The following CDH12 variants were observed in gnomAD, a reference collection of about 807,000 sequenced individuals.
CDH12 encodes the protein cadherin-12.
CDH12 carries 41 observed loss-of-function variants against 74.1 expected under a neutral mutation model. That is an observed-to-expected ratio of 0.55 (90% CI 0.43 to 0.72). The LOEUF (loss-of-function observed/expected upper bound fraction) is 0.72. CDH12 is among the 30% of genes least tolerant of loss of function. The pLI is 0.00. For missense variants in CDH12, 945 were observed against 977.2 expected, an observed-to-expected ratio of 0.97 and a Z score of 0.44; for synonymous variants, 399 against 355.0, an observed-to-expected ratio of 1.12 and a Z score of -1.39.
At chr5:22,765,886 A>T (rs1160206063) in intron 1 of CDH12, among the ~76,000 whole-genome samples, 1 of 151,928 alleles carries the variant, frequency 6.6e-6, no homozygotes, top group East Asian at 1.9e-4. Context: ...ACATTAAAAT[A>T]AAAAAGTATT....
intron 3 of CDH12, among the ~76,000 whole-genome samples, chr5:22,380,538 CA>C (rs10709369): frequency 0.74 from 110,818 of 150,644 alleles, 41,763 homozygotes; most frequent in Non-Finnish European, 0.82. Context: ...ATAACAAATA[CA>C]AAAAAAAAAC....
intron 4 of CDH12, among the ~76,000 whole-genome samples, chr5:22,186,551 A>T (rs745457106): frequency 2.6e-5 from 4 of 152,102 alleles, no homozygotes; most frequent in Non-Finnish European, 5.9e-5. Flanking sequence ...GCTCACTGCA[A>T]CCTCTGCCTT....
At chr5:21,884,173 C>T in intron 6 of CDH12, 3 of 1,583,978 alleles carry the variant, frequency 1.9e-6, no homozygotes, top group Non-Finnish European at 1.7e-6. Flanking sequence ...GTGAGAACTG[C>T]TTTATTGGAT....
chr5:22,009,197 C>T (rs961459812), intron 5 of CDH12, among the ~76,000 whole-genome samples: 3 of 152,168 alleles, frequency 2.0e-5, no homozygotes, highest in African/African-American at 7.2e-5. Context: ...CCACTAAGGC[C>T]ATGTTCTTTC....
intron 8 of CDH12, among the ~76,000 whole-genome samples, chr5:21,818,692 T>C (rs575528743): frequency 2.6e-5 from 4 of 152,082 alleles, no homozygotes; most frequent in African/African-American, 9.6e-5. Flanking sequence ...AAAATGATAC[T>C]TTACAGTGGT....
chr5:22,544,154 C>T (rs1046623133), intron 1 of CDH12, among the ~76,000 whole-genome samples: 1 of 151,834 alleles, frequency 6.6e-6, no homozygotes, highest in African/African-American at 2.4e-5. Flanking sequence ...TTTTCATTGC[C>T]TATTTGGCTC....
chr5:22,506,866 C>G (rs1034258852), intron 1 of CDH12, among the ~76,000 whole-genome samples: 1 of 152,128 alleles, frequency 6.6e-6, no homozygotes, highest in Non-Finnish European at 1.5e-5. Context: ...TTATTAACTT[C>G]AGGCTGATAC....
intron 7 of CDH12, among the ~76,000 whole-genome samples, chr5:21,846,672 C>T (rs1359308434): frequency 6.6e-6 from 1 of 151,926 alleles, no homozygotes; most frequent in Non-Finnish European, 1.5e-5. Context: ...CCTGAAGAAT[C>T]TATTTCATTG....
intron 1 of CDH12, among the ~76,000 whole-genome samples, chr5:22,685,146 T>C (rs1301940992): frequency 1.3e-5 from 2 of 152,196 alleles, no homozygotes; most frequent in South Asian, 2.1e-4. Flanking sequence ...CATTTGCCTA[T>C]TAACGTGTAC....
intron 3 of CDH12, among the ~76,000 whole-genome samples, chr5:22,322,458 C>T (rs926668788): frequency 6.6e-5 from 10 of 151,700 alleles, no homozygotes; most frequent in Admixed American, 3.3e-4. Flanking sequence ...TCCAGAAATA[C>T]TTTATATCAT....
intron 3 of CDH12, among the ~76,000 whole-genome samples, chr5:22,322,432 T>C (rs1020234369): frequency 6.6e-6 from 1 of 152,124 alleles, no homozygotes; most frequent in African/African-American, 2.4e-5. Flanking sequence ...AAAAATTCTC[T>C]TGTGAAGGTT....
At chr5:22,279,907 G>A (rs1230821062) in intron 3 of CDH12, among the ~76,000 whole-genome samples, 1 of 152,130 alleles carries the variant, frequency 6.6e-6, no homozygotes, top group Non-Finnish European at 1.5e-5. Flanking sequence ...TGGGATGGCT[G>A]GGTCAAATGG....
Position 22,060,182 on chromosome 5 carries a change from G to C in CDH12, c.231+18264C>G, listed in dbSNP as rs367824737. 4.6e-5 allele frequency among the ~76,000 whole-genome samples: 7 copies of C among 152,162 alleles called. No homozygotes were observed. In the East Asian group the frequency reaches 1.4e-3, roughly 29 times the overall value. On this transcript the variant is annotated intron_variant, in intron 5 of 14. Coordinates refer to ENST00000382254, the MANE Select transcript of CDH12 (RefSeq NM_004061.5). ...TGTCCTTTGCAGGGACATGGATGAA[G>C]CTGGACACCATCATCCTCAGCAAAC...
At position 21,929,663 on chromosome 5, in the gene CDH12, G is replaced by A. The variant is rs186483486; in HGVS notation, c.526+45428C>T. Among the ~76,000 whole-genome samples the A allele has an allele frequency of 5.3e-5, 8 of 152,114 alleles. No individual in the cohort carries two copies. In the East Asian group the frequency reaches 1.4e-3, roughly 26 times the overall value. On this transcript the variant is annotated intron_variant, in intron 6 of 14. Transcript: ENST00000382254. ...CTCCCGAGTAGCTGGGACTACAGGT[G>A]TGTGCCACCACACCTGGCTACTTTT... is the stretch of plus-strand genomic sequence containing the variant.
chr5:22,339,616 A>C (rs1389023415), intron 3 of CDH12, among the ~76,000 whole-genome samples: 2 of 152,200 alleles, frequency 1.3e-5, no homozygotes, highest in Non-Finnish European at 2.9e-5. Flanking sequence ...CTCAGAGTAA[A>C]GGATGAGGTA....
chr5:22,332,377 T>C (rs1222135294), intron 3 of CDH12, among the ~76,000 whole-genome samples: 1 of 152,062 alleles, frequency 6.6e-6, no homozygotes, highest in Non-Finnish European at 1.5e-5. Flanking sequence ...GCAGAAGAAA[T>C]AATACTTTTA....
At chr5:22,286,504 T>C (rs759829712) in intron 3 of CDH12, among the ~76,000 whole-genome samples, 8 of 152,198 alleles carry the variant, frequency 5.3e-5, no homozygotes, top group Admixed American at 6.5e-5. Context: ...TGCAATATTG[T>C]TAAATGGTCA....
At chr5:22,548,803 G>A (rs1580754753) in intron 1 of CDH12, among the ~76,000 whole-genome samples, 1 of 151,984 alleles carries the variant, frequency 6.6e-6, no homozygotes, top group Non-Finnish European at 1.5e-5. Context: ...TTCTCACGGT[G>A]GCTATTAGTT....
At chr5:22,627,007 G>C (rs1442340443) in intron 1 of CDH12, among the ~76,000 whole-genome samples, 1 of 152,184 alleles carries the variant, frequency 6.6e-6, no homozygotes, top group East Asian at 1.9e-4. Context: ...GAATCTTGGA[G>C]CTTAGACACT....
Sources: gnomAD v4.1 joint callset for allele counts (sites outside exome capture counted in the v4.1 genomes callset) on GRCh38, gnomAD v4.1.1 for gene constraint, MANE v1.5 for transcripts, NCBI Gene and HGNC (gene_info 2026-07-23, HGNC 2026-07-21) for gene names.